The following DST variants were observed in gnomAD, a reference collection of about 807,000 sequenced individuals.
DST encodes dystonin.
A neutral mutation model predicts 875.2 loss-of-function variants in DST; 253 were observed. The observed-to-expected ratio is 0.29, with a 90% CI of 0.26 to 0.32. DST has a LOEUF of 0.32. Among genes scored for constraint, DST ranks in the 10% least tolerant of loss-of-function variants. The probability of loss-of-function intolerance (pLI) is 1.00; values close to 1 mark genes in which losing one functional copy is unlikely to be tolerated. For synonymous variants in DST, 3,124 were observed against 3,197.1 expected (o/e 0.98, Z 0.77); for missense variants, 8,287 against 9,111.6 (o/e 0.91, Z 3.68).
intron 2 of DST, among the ~76,000 whole-genome samples, chr6:56,938,108 C>CTCTCTCTCTCTCTCTATATATATA (rs1383243392): frequency 3.1e-4 from 38 of 120,724 alleles, no homozygotes; most frequent in African/African-American, 1.2e-3. Context: ...CTCTCTCTCT[C>CTCTCTCTCTCTCTCTATATATATA]TATATATATA....
chr6:56,581,925 C>T (rs1436973271), intron 49 of DST, among the ~76,000 whole-genome samples: 1 of 152,200 alleles, frequency 6.6e-6, no homozygotes, highest in Non-Finnish European at 1.5e-5. Context: ...CCTGAAGTTC[C>T]TCCTAGATTC....
chr6:56,618,509 A>G, intron 36 of DST: 1 of 1,613,412 alleles, frequency 6.2e-7, no homozygotes, highest in Non-Finnish European at 8.5e-7. Flanking sequence ...CAGGTTTTCA[A>G]CCTCACGCTT....
intron 2 of DST, among the ~76,000 whole-genome samples, chr6:56,934,015 T>C (rs1423965286): frequency 6.6e-6 from 1 of 152,096 alleles, no homozygotes; most frequent in African/African-American, 2.4e-5. Context: ...CATTTTGTTT[T>C]ATTTTATATA....
At chr6:56,632,509 T>A (rs1391624255) in intron 28 of DST, among the ~76,000 whole-genome samples, 1 of 152,234 alleles carries the variant, frequency 6.6e-6, no homozygotes, top group Non-Finnish European at 1.5e-5. Flanking sequence ...GGCAAAAACC[T>A]TTTGCTTTAA....
At chr6:56,703,044 G>A (rs908161551) in intron 7 of DST, among the ~76,000 whole-genome samples, 9 of 152,158 alleles carry the variant, frequency 5.9e-5, no homozygotes, top group African/African-American at 1.9e-4. Context: ...CGTCTGTCTT[G>A]CAAAGGTAGG....
At chr6:56,738,863 T>C (rs1052019947) in intron 4 of DST, among the ~76,000 whole-genome samples, 12 of 151,854 alleles carry the variant, frequency 7.9e-5, no homozygotes, top group African/African-American at 2.9e-4. Context: ...GCTCACGCCA[T>C]CCACCTGCTT....
chr6:56,521,601 GAAAAAAAA>G (rs10547460), intron 69 of DST, among the ~76,000 whole-genome samples: 1 of 92,050 alleles, frequency 1.1e-5, no homozygotes, highest in Non-Finnish European at 2.1e-5. Flanking sequence ...CTCTGCTAAG[GAAAAAAAA>G]AAAAAAAAAA....
chr6:56,717,317 A>C (rs915651597), intron 5 of DST, among the ~76,000 whole-genome samples: 1 of 152,166 alleles, frequency 6.6e-6, no homozygotes, highest in African/African-American at 2.4e-5. Flanking sequence ...CAGGAGGTGG[A>C]GCTCAGGTGA....
rs2099740943 is a variant in DST at position 56,797,216 on chromosome 6, A to C, written c.625+54181T>G. On this transcript the variant is annotated intron_variant, in intron 4 of 103. Transcript: ENST00000680361. ...ACCACAAGCCACAACCATATAAGACAGTAAACTTAATCAAGAAATGTGTGT... is the reference window on the plus strand; with the variant it reads ...ACCACAAGCCACAACCATATAAGACCGTAAACTTAATCAAGAAATGTGTGT... 2.6e-5 allele frequency among the ~76,000 whole-genome samples: 4 copies of C among 152,234 alleles called. No individual in the cohort carries two copies. In the South Asian group the frequency reaches 6.2e-4, roughly 24 times the overall value.
At chr6:56,756,163 C>T (rs1013821690) in intron 4 of DST, among the ~76,000 whole-genome samples, 2 of 152,104 alleles carry the variant, frequency 1.3e-5, no homozygotes, top group African/African-American at 2.4e-5. Context: ...GGGCTCTTGA[C>T]CCACTCCCTA....
chr6:56,604,372 G>C lies in DST; in HGVS notation c.10256C>G (p.Pro3419Arg). 6.2e-7 allele frequency: 1 copy of C among 1,612,010 alleles called. No homozygotes were observed. The highest frequency in any genetic ancestry group is 2.2e-5 in the East Asian group (1 of 44,784). Reference protein sequence around the residue: ...SQMSDSSGVSPMTNSSELKPE... With the variant: ...SQMSDSSGVSRMTNSSELKPE... The stretch of plus-strand genomic sequence containing the variant: ...CTTTAGTTCTGATGAGTTAGTCATG[G>C]GGGAAACTCCAGAAGAGTCACTCAT... Residue 3419 changes from proline to arginine, a missense_variant, in exon 40 of 104, where the codon CCC becomes CGC. Physicochemically the swap from Pro to Arg is moderately radical, Grantham distance 103 (BLOSUM62 -2). Transcript: ENST00000680361.
At chr6:56,751,049 C>T (rs146389742) in intron 4 of DST, among the ~76,000 whole-genome samples, 1 of 152,164 alleles carries the variant, frequency 6.6e-6, no homozygotes, top group African/African-American at 2.4e-5. Flanking sequence ...AATCCATGCT[C>T]TTAACCCCCA....
intron 9 of DST, chr6:56,692,470 T>C (rs2099237057): frequency 1.6e-6 from 2 of 1,289,586 alleles, no homozygotes. Flanking sequence ...CTGAAAATGC[T>C]GTGTTGCATG....
At chr6:56,705,170 A>T (rs901405616) in intron 5 of DST, among the ~76,000 whole-genome samples, 3 of 152,234 alleles carry the variant, frequency 2.0e-5, no homozygotes, top group Non-Finnish European at 4.4e-5. Flanking sequence ...TTGGACAGAC[A>T]AATGTCAAAG....
intron 2 of DST, among the ~76,000 whole-genome samples, chr6:56,902,738 C>T (rs544061838): frequency 6.6e-6 from 1 of 152,300 alleles, no homozygotes; most frequent in East Asian, 1.9e-4. Context: ...ACCACTCCCA[C>T]GTAACTCAGG....
chr6:56,530,007 T>A lies in DST; in HGVS notation c.17235A>T (p.Ala5745=). 2 of 1,613,642 alleles carry A rather than the reference T, an allele frequency of 1.2e-6. No homozygotes were observed. Among genetic ancestry groups the A allele is most frequent in the South Asian group, 2.2e-5 (2 of 91,064 alleles). The change falls in exon 65 of 104, where the codon GCA becomes GCT. Residue 5745 remains alanine, a synonymous_variant. Coordinates refer to ENST00000680361, the MANE Select transcript of DST (RefSeq NM_001374736.1). The part of the protein sequence containing the change: ...LVNCEPIGTQ[A]SKLEEQIAQH... Reference sequence around the variant, plus strand: ...GTGCAATTTGTTCCTCAAGTTTAGATGCTTGGGTTCCTATGGGTTCACAAT... The same window carrying A: ...GTGCAATTTGTTCCTCAAGTTTAGAAGCTTGGGTTCCTATGGGTTCACAAT...
chr6:56,812,219 T>C (rs765726073), intron 4 of DST, among the ~76,000 whole-genome samples: 1 of 152,122 alleles, frequency 6.6e-6, no homozygotes, highest in Non-Finnish European at 1.5e-5. Context: ...GTAACATGGA[T>C]AGCATGTTTT....
intron 15 of DST, among the ~76,000 whole-genome samples, chr6:56,644,238 C>G (rs2098929150): frequency 6.6e-6 from 1 of 152,112 alleles, no homozygotes; most frequent in African/African-American, 2.4e-5. Flanking sequence ...CTCAAATTAC[C>G]TTTTCCGTAA....
intron 2 of DST, among the ~76,000 whole-genome samples, chr6:56,907,350 C>T (rs1796869237): frequency 6.6e-6 from 1 of 152,172 alleles, no homozygotes; most frequent in South Asian, 2.1e-4. Flanking sequence ...AGCTATTTTC[C>T]TTGGAGGTTG....
Sources: gnomAD v4.1 joint callset for allele counts (sites outside exome capture counted in the v4.1 genomes callset) on GRCh38, gnomAD v4.1.1 for gene constraint, MANE v1.5 for transcripts, NCBI Gene and HGNC (gene_info 2026-07-23, HGNC 2026-07-21) for gene names.